The following CDH19 variants were observed in gnomAD, a reference collection of about 807,000 sequenced individuals.
The protein encoded by CDH19 is cadherin-19.
A neutral mutation model predicts 64.2 loss-of-function variants in CDH19; 67 were observed. The ratio of observed to expected loss-of-function variants is 1.04; its 90% CI spans 0.86 to 1.28. CDH19 has a LOEUF of 1.28. Among genes scored for constraint, CDH19 ranks in the 50% most tolerant of loss-of-function variants. The probability of loss-of-function intolerance (pLI) is 0.00; values close to 1 mark genes in which losing one functional copy is unlikely to be tolerated. For synonymous variants in CDH19, 346 were observed against 319.3 expected (o/e 1.08, Z -0.89); for missense variants, 1,030 against 929.0 (o/e 1.11, Z -1.41).
intron 9 of CDH19, among the ~76,000 whole-genome samples, chr18:66,514,199 T>G (rs925708886): frequency 1.3e-5 from 2 of 151,430 alleles, no homozygotes; most frequent in African/African-American, 4.8e-5. Context: ...ATGTGAAATA[T>G]GAGTAGTAAG....
At chr18:66,588,296 C>A (rs894693552) in intron 1 of CDH19, among the ~76,000 whole-genome samples, 2 of 152,062 alleles carry the variant, frequency 1.3e-5, no homozygotes, top group East Asian at 1.9e-4. Flanking sequence ...TCCTGTCACC[C>A]ATGGCCCTGA....
intron 7 of CDH19, among the ~76,000 whole-genome samples, chr18:66,541,722 CA>C (rs1172911321): frequency 2.6e-5 from 4 of 151,980 alleles, no homozygotes; most frequent in Non-Finnish European, 5.9e-5. Flanking sequence ...TCTGTCAAAT[CA>C]TTAAAACGTG....
chr18:66,561,743 GA>G (rs951696859), intron 3 of CDH19, among the ~76,000 whole-genome samples: 38 of 151,208 alleles, frequency 2.5e-4, no homozygotes, highest in African/African-American at 7.8e-4. Context: ...AGTGTGCTTA[GA>G]AAAAAAAATT....
chr18:66,521,916 C>CTGTTGTTGTTGT (rs201747306), intron 9 of CDH19, among the ~76,000 whole-genome samples: 6 of 111,402 alleles, frequency 5.4e-5, no homozygotes, highest in African/African-American at 2.2e-4. Context: ...GTTACTTGTT[C>CTGTTGTTGTTGT]TGTTGTTGTT....
At chr18:66,543,324 G>A (rs1051097722) in intron 7 of CDH19, among the ~76,000 whole-genome samples, 20 of 152,036 alleles carry the variant, frequency 1.3e-4, no homozygotes, top group African/African-American at 4.6e-4. Flanking sequence ...ACCGCGCGCT[G>A]CCTTAAATAA....
chr18:66,596,554 G>T (rs1191564486), intron 1 of CDH19, among the ~76,000 whole-genome samples: 3 of 151,886 alleles, frequency 2.0e-5, no homozygotes, highest in Non-Finnish European at 4.4e-5. Flanking sequence ...CACTCAAATA[G>T]CCACAAATAG....
intron 1 of CDH19, among the ~76,000 whole-genome samples, chr18:66,577,584 T>C (rs191822534): frequency 9.5e-4 from 144 of 152,080 alleles, no homozygotes; most frequent in Non-Finnish European, 1.7e-3. Flanking sequence ...CAAATTTAGA[T>C]GAAATACTTG....
Position 66,504,696 on chromosome 18 carries a change from A to G in CDH19, c.*116T>C, listed in dbSNP as rs568202573. On this transcript the variant is annotated 3_prime_UTR_variant, in exon 12 of 12. Coordinates refer to ENST00000262150, the MANE Select transcript of CDH19 (RefSeq NM_021153.4). ...GGAGTATTTACTCCAGGGAAATCAGAAAACTCCATAGACTAGGGCTTTCCC... is the reference window on the plus strand; with the variant it reads ...GGAGTATTTACTCCAGGGAAATCAGGAAACTCCATAGACTAGGGCTTTCCC... The G allele has an allele frequency of 8.5e-5, 91 of 1,068,324 alleles. No homozygotes were observed. The African/African-American group carries it at 9.4e-4, about 11-fold the overall frequency. The allele number at this position is 1,068,324 out of a possible 1,614,324, so 66.2% of individuals were successfully genotyped here.
chr18:66,591,039 T>A (rs1023284430), intron 1 of CDH19, among the ~76,000 whole-genome samples: 3 of 151,908 alleles, frequency 2.0e-5, no homozygotes, highest in Non-Finnish European at 2.9e-5. Flanking sequence ...GTAAGTAGAA[T>A]CTGCATAAAA....
At chr18:66,544,318 T>A in intron 6 of CDH19, 94 bp from the exon 7 acceptor site, 1 of 1,198,226 alleles carries the variant, frequency 8.3e-7, no homozygotes, top group Non-Finnish European at 1.2e-6. Context: ...TAAGTCTCAG[T>A]GGCCTTTCAG....
intron 1 of CDH19, among the ~76,000 whole-genome samples, chr18:66,579,502 C>CT (rs1277182610): frequency 2.0e-5 from 3 of 151,938 alleles, no homozygotes; most frequent in Admixed American, 6.6e-5. Context: ...CAGATACCGA[C>CT]TTTGAGTCTG....
rs1219617885 is a variant in CDH19 at position 66,505,075 on chromosome 18, A to G, written c.2056T>C (p.Leu686=). Residue 686 remains leucine, a synonymous_variant, in exon 12 of 12, where the codon TTG becomes CTG. Coordinates refer to ENST00000262150, the MANE Select transcript of CDH19 (RefSeq NM_021153.4). The stretch of plus-strand genomic sequence containing the variant: ...ATGGCACTGTCGGGGCCAACTTGCA[A>G]AGACTGCCTGTATAGGCTCCTGATC... ...AEIRSLYRQS[L]QVGPDSAIFR... The G allele has an allele frequency of 6.2e-7, 1 of 1,613,594 alleles. No homozygotes were observed. Among genetic ancestry groups the G allele is most frequent in the Non-Finnish European group, 8.5e-7 (1 of 1,179,778 alleles).
intron 11 of CDH19, among the ~76,000 whole-genome samples, chr18:66,507,391 C>T (rs1016786264): frequency 6.6e-6 from 1 of 151,824 alleles, no homozygotes; most frequent in Non-Finnish European, 1.5e-5. Context: ...GTCAGTTTGA[C>T]ATTTCAGAAA....
intron 8 of CDH19, among the ~76,000 whole-genome samples, chr18:66,531,186 T>C (rs766463502): frequency 2.6e-5 from 4 of 152,164 alleles, no homozygotes; most frequent in Non-Finnish European, 5.9e-5. Context: ...AGTATTTGAG[T>C]AAATGATCCG....
intron 9 of CDH19, among the ~76,000 whole-genome samples, chr18:66,529,292 T>C (rs944972340): frequency 2.6e-5 from 4 of 151,586 alleles, no homozygotes; most frequent in Non-Finnish European, 5.9e-5. Flanking sequence ...CATATGTTTA[T>C]GTTTATGTCT....
At chr18:66,589,558 A>G (rs1488336875) in intron 1 of CDH19, among the ~76,000 whole-genome samples, 1 of 151,902 alleles carries the variant, frequency 6.6e-6, no homozygotes, top group African/African-American at 2.4e-5. Context: ...TCCAATTATC[A>G]GTTGTCCTTT....
At chr18:66,514,456 C>T (rs1985642011) in intron 9 of CDH19, among the ~76,000 whole-genome samples, 2 of 151,242 alleles carry the variant, frequency 1.3e-5, no homozygotes, top group Non-Finnish European at 3.0e-5. Flanking sequence ...GGTAAGAGTA[C>T]AGCCAATGAG....
intron 3 of CDH19, among the ~76,000 whole-genome samples, chr18:66,556,695 C>T (rs560594): frequency 0.042 from 6,388 of 151,792 alleles, 477 homozygotes; most frequent in African/African-American, 0.15. Flanking sequence ...TTTAAGAGAA[C>T]TCATACAACT....
chr18:66,523,832 C>A (rs1371341118), intron 9 of CDH19, among the ~76,000 whole-genome samples: 3 of 140,878 alleles, frequency 2.1e-5, no homozygotes, highest in Non-Finnish European at 4.5e-5. Flanking sequence ...TCTTCTCCTG[C>A]AATGTTCATC....
Sources: allele counts gnomAD v4.1 joint callset (sites outside exome capture counted in the v4.1 genomes callset), GRCh38; gene constraint gnomAD v4.1.1; transcripts MANE v1.5; gene names NCBI Gene and HGNC (gene_info 2026-07-23, HGNC 2026-07-21).